CDH18: variants seen among roughly 807,000 people sequenced by gnomAD.
The protein encoded by CDH18 is cadherin 18, also known as cadherin-18.
In CDH18, 31 loss-of-function variants were observed where a neutral mutation model predicts 67.9. That is an observed-to-expected ratio of 0.46 (90% confidence interval 0.34 to 0.62). The LOEUF is 0.62. Ranked by LOEUF, CDH18 falls within the 20% of genes least tolerant of loss-of-function variation. The pLI is 0.01. For synonymous variants in CDH18, 362 were observed against 347.2 expected (o/e 1.04, Z -0.48); for missense variants, 890 against 975.5 (o/e 0.91, Z 1.17).
intron 3 of CDH18, among the ~76,000 whole-genome samples, chr5:19,813,682 C>A (rs1435819508): frequency 2.6e-5 from 4 of 152,002 alleles, no homozygotes; most frequent in Admixed American, 6.6e-5. Flanking sequence ...ACAATTTTAT[C>A]ATCAATTCCA....
intron 9 of CDH18, among the ~76,000 whole-genome samples, chr5:19,524,978 C>T (rs1161687868): frequency 2.0e-5 from 3 of 152,130 alleles, no homozygotes; most frequent in Admixed American, 6.5e-5. Context: ...ATCTCCTGAC[C>T]TCGTGATCCG....
intron 1 of CDH18, among the ~76,000 whole-genome samples, chr5:20,550,219 G>C (rs1757559359): frequency 6.6e-6 from 1 of 152,044 alleles, no homozygotes; most frequent in South Asian, 2.1e-4. Context: ...TTATGCTATT[G>C]CAACAATAAT....
At chr5:20,539,136 G>A (rs968079508) in intron 1 of CDH18, among the ~76,000 whole-genome samples, 5 of 151,838 alleles carry the variant, frequency 3.3e-5, no homozygotes, top group Admixed American at 6.6e-5. Context: ...TAATCCAGCC[G>A]CTTCAGCCTC....
intron 2 of CDH18, among the ~76,000 whole-genome samples, chr5:20,124,553 C>G (rs1350189744): frequency 6.6e-6 from 1 of 152,030 alleles, no homozygotes; most frequent in Non-Finnish European, 1.5e-5. Flanking sequence ...CCAGAAATAC[C>G]CATACATTTT....
At chr5:20,485,502 T>G (rs1753105909) in intron 1 of CDH18, among the ~76,000 whole-genome samples, 1 of 152,188 alleles carries the variant, frequency 6.6e-6, no homozygotes, top group South Asian at 2.1e-4. Flanking sequence ...ACAGTTTTTG[T>G]GCATTATAAA....
chr5:19,913,949 A>G (rs1319437614), intron 2 of CDH18, among the ~76,000 whole-genome samples: 1 of 151,958 alleles, frequency 6.6e-6, no homozygotes, highest in Non-Finnish European at 1.5e-5. Flanking sequence ...CTGAAAAATA[A>G]TATAGAAACA....
chr5:20,389,712 G>A (rs1744666852), intron 1 of CDH18, among the ~76,000 whole-genome samples: 2 of 151,990 alleles, frequency 1.3e-5, no homozygotes, highest in African/African-American at 4.8e-5. Context: ...AAAGCTGGAG[G>A]CATCACGCTA....
intron 11 of CDH18, among the ~76,000 whole-genome samples, chr5:19,498,706 C>T (rs1249342323): frequency 1.3e-5 from 2 of 152,150 alleles, no homozygotes; most frequent in Non-Finnish European, 1.5e-5. Flanking sequence ...ACTTTAATTT[C>T]CACTTTCAAT....
intron 4 of CDH18, among the ~76,000 whole-genome samples, chr5:19,727,033 T>C (rs1055860560): frequency 2.6e-5 from 4 of 152,206 alleles, no homozygotes; most frequent in African/African-American, 9.6e-5. Flanking sequence ...GGACCTCCCA[T>C]CTTTCAGAAC....
At chr5:19,607,083 T>G (rs946661479) in intron 6 of CDH18, among the ~76,000 whole-genome samples, 2 of 151,630 alleles carry the variant, frequency 1.3e-5, no homozygotes, top group African/African-American at 4.8e-5. Flanking sequence ...AAATACCTTC[T>G]GCAAATAAAG....
At chr5:19,821,584 C>G (rs779186601) in intron 3 of CDH18, among the ~76,000 whole-genome samples, 3 of 151,956 alleles carry the variant, frequency 2.0e-5, no homozygotes, top group Admixed American at 2.0e-4. Context: ...GAGAGGTAGA[C>G]AAGCAAACGT....
chr5:19,473,191 G>A lies in CDH18; in HGVS notation c.*35C>T. On this transcript the variant is annotated 3_prime_UTR_variant, in exon 13 of 13. Coordinates refer to ENST00000382275, the MANE Select transcript of CDH18 (RefSeq NM_004934.5). ...TGAGGTTGTATATCCACTTACTCAGGAAGCAAATTCCACAAGGTTGCAAGA... is the reference window on the plus strand; with the variant it reads ...TGAGGTTGTATATCCACTTACTCAGAAAGCAAATTCCACAAGGTTGCAAGA... 1 of 1,596,740 alleles carries A rather than the reference G, an allele frequency of 6.3e-7. No individual in the cohort carries two copies. Among genetic ancestry groups the A allele is most frequent in the Non-Finnish European group, 8.5e-7 (1 of 1,170,174 alleles).
intron 1 of CDH18, among the ~76,000 whole-genome samples, chr5:20,548,434 C>T (rs928150787): frequency 7.5e-5 from 9 of 119,774 alleles, no homozygotes; most frequent in Non-Finnish European, 1.5e-4. Context: ...TAATAGAGAA[C>T]ATGTTTGTGT....
intron 10 of CDH18, among the ~76,000 whole-genome samples, chr5:19,507,542 T>C (rs1247587972): frequency 2.6e-5 from 4 of 152,196 alleles, no homozygotes; most frequent in Non-Finnish European, 5.9e-5. Flanking sequence ...TAAGAAAATG[T>C]GGCATGTATA....
chr5:20,223,968 C>T (rs908939780), intron 2 of CDH18, among the ~76,000 whole-genome samples: 22 of 152,136 alleles, frequency 1.4e-4, no homozygotes, highest in African/African-American at 5.3e-4. Context: ...ATTATGTTAA[C>T]AAAATTTGTA....
intron 1 of CDH18, among the ~76,000 whole-genome samples, chr5:19,987,206 C>T (rs1799651831): frequency 6.6e-6 from 1 of 151,456 alleles, no homozygotes; most frequent in Non-Finnish European, 1.5e-5. Context: ...TCTATTTTTT[C>T]ACCTGTTACA....
intron 2 of CDH18, among the ~76,000 whole-genome samples, chr5:19,851,613 T>G (rs1783701003): frequency 6.6e-6 from 1 of 151,646 alleles, no homozygotes; most frequent in African/African-American, 2.4e-5. Flanking sequence ...TATCTAACAG[T>G]TTTTTGCCAC....
At chr5:20,308,361 G>A (rs1485755527) in intron 1 of CDH18, among the ~76,000 whole-genome samples, 2 of 151,954 alleles carry the variant, frequency 1.3e-5, no homozygotes, top group South Asian at 2.1e-4. Context: ...TGGGCGACAC[G>A]GTGAAACCCC....
intron 2 of CDH18, among the ~76,000 whole-genome samples, chr5:19,974,949 C>T (rs1798364823): frequency 6.6e-6 from 1 of 152,012 alleles, no homozygotes; most frequent in Non-Finnish European, 1.5e-5. Flanking sequence ...CATCTAGGAA[C>T]TCTATGACTT....
Sources: allele counts gnomAD v4.1 joint callset (sites outside exome capture counted in the v4.1 genomes callset), GRCh38; gene constraint gnomAD v4.1.1; transcripts MANE v1.5; gene names NCBI Gene and HGNC (gene_info 2026-07-23, HGNC 2026-07-21).